The following TNIK variants were observed in gnomAD, a reference collection of about 807,000 sequenced individuals.
TNIK encodes the protein TRAF2 and NCK interacting kinase.
TNIK carries 49 observed loss-of-function variants against 191.3 expected under a neutral mutation model. That is an observed-to-expected ratio of 0.26 (90% CI 0.20 to 0.32). The LOEUF is 0.32. TNIK is among the 10% of genes least tolerant of loss of function. The probability of loss-of-function intolerance (pLI) is 1.00; values close to 1 mark genes in which losing one functional copy is unlikely to be tolerated. For synonymous variants in TNIK, 594 were observed against 600.9 expected (o/e 0.99, Z 0.17); for missense variants, 1,155 against 1,702.3 (o/e 0.68, Z 5.66).
intron 2 of TNIK, among the ~76,000 whole-genome samples, chr3:171,326,469 A>C (rs967079190): frequency 6.7e-6 from 1 of 150,210 alleles, no homozygotes; most frequent in Non-Finnish European, 1.5e-5. Context: ...AAAGAAAAAA[A>C]CTCCCACTGA....
intron 4 of TNIK, among the ~76,000 whole-genome samples, chr3:171,200,179 T>C (rs1366428189): frequency 6.6e-6 from 1 of 152,152 alleles, no homozygotes; most frequent in Non-Finnish European, 1.5e-5. Context: ...AATCTAACAT[T>C]TGAAATTTTC....
chr3:171,292,775 C>CAAAAAAAA (rs59314303), intron 2 of TNIK, among the ~76,000 whole-genome samples: 38 of 85,038 alleles, frequency 4.5e-4, no homozygotes, highest in Admixed American at 1.6e-3. Flanking sequence ...GACTCCATCT[C>CAAAAAAAA]AAAAAAAAAA....
intron 2 of TNIK, among the ~76,000 whole-genome samples, chr3:171,320,585 T>A (rs556343627): frequency 3.3e-5 from 5 of 152,120 alleles, no homozygotes; most frequent in Non-Finnish European, 7.4e-5. Context: ...TTTCCCATCA[T>A]CAAGATGTCT....
Position 171,140,146 on chromosome 3 carries a change from A to C in TNIK, c.1332+253T>G, listed in dbSNP as rs1035264439. Among the ~76,000 whole-genome samples the C allele has an allele frequency of 4.1e-4, 62 of 152,254 alleles. 1 individual carries two copies. Among genetic ancestry groups the C allele is most frequent in the African/African-American group, 1.4e-3 (59 of 41,476 alleles). ...TGCTTCAGTGCTACCTTCAAATCAG[A>C]TACCGAGGGTTGGGAGAATCGGAAG... On this transcript the variant is annotated intron_variant, in intron 13 of 32. Transcript: ENST00000436636.
chr3:171,183,789 C>G (rs575355441), intron 7 of TNIK, among the ~76,000 whole-genome samples: 2 of 151,862 alleles, frequency 1.3e-5, no homozygotes, highest in African/African-American at 4.8e-5. Context: ...GGCGTGGTGG[C>G]GGGCGCCTGT....
At chr3:171,118,089 CAA>C (rs1477317456) in intron 18 of TNIK, among the ~76,000 whole-genome samples, 1 of 152,160 alleles carries the variant, frequency 6.6e-6, no homozygotes, top group Admixed American at 6.5e-5. Flanking sequence ...GCAACTTCAG[CAA>C]AGTCTCAGGA....
intron 28 of TNIK, among the ~76,000 whole-genome samples, chr3:171,076,309 T>C (rs1227490755): frequency 6.6e-6 from 1 of 152,136 alleles, no homozygotes; most frequent in Non-Finnish European, 1.5e-5. Context: ...TAGAGTCCCC[T>C]TTCTAGTTGG....
intron 2 of TNIK, among the ~76,000 whole-genome samples, chr3:171,311,996 C>T (rs1486522755): frequency 6.6e-6 from 1 of 150,742 alleles, no homozygotes; most frequent in Admixed American, 6.6e-5. Flanking sequence ...GGGGCGGGTG[C>T]GCCTGCCCAC....
intron 12 of TNIK, among the ~76,000 whole-genome samples, chr3:171,143,331 A>C (rs774404917): frequency 6.6e-5 from 10 of 152,188 alleles, no homozygotes; most frequent in Non-Finnish European, 1.2e-4. Context: ...TATAAAAAAA[A>C]CATATCAATG....
intron 1 of TNIK, among the ~76,000 whole-genome samples, chr3:171,391,370 G>T (rs1176479139): frequency 6.6e-6 from 1 of 152,182 alleles, no homozygotes; most frequent in Non-Finnish European, 1.5e-5. Context: ...TGTATATAAA[G>T]CTGTCTACTC....
chr3:171,280,018 A>G (rs1034207457), intron 2 of TNIK, among the ~76,000 whole-genome samples: 8 of 152,312 alleles, frequency 5.3e-5, no homozygotes, highest in South Asian at 2.1e-4. Flanking sequence ...CTACAGTTCT[A>G]TAAGTGTGAG....
chr3:171,107,659 G>A (rs1292923692), intron 20 of TNIK, among the ~76,000 whole-genome samples: 1 of 152,164 alleles, frequency 6.6e-6, no homozygotes, highest in Non-Finnish European at 1.5e-5. Flanking sequence ...ATGAAAAATA[G>A]CAGAAAAACT....
rs889113366 is a variant in TNIK, at chr3:171,085,238, T to C, written c.2887-9A>G. ...CTGCTCCCCATGCCATACTAATCAA[T>C]AAGCAAGAAGATTAAGAAGAGCAGA... On this transcript the variant is annotated splice_polypyrimidine_tract_variant and intron_variant, in intron 24 of 32. Coordinates refer to ENST00000436636, the MANE Select transcript of TNIK (RefSeq NM_015028.4). 5.0e-6 allele frequency: 8 copies of C among 1,599,530 alleles called. No individual in the cohort carries two copies. Among genetic ancestry groups the C allele is most frequent in the Non-Finnish European group, 6.0e-6 (7 of 1,172,618 alleles).
At position 171,128,756 on chromosome 3, in the gene TNIK, C is replaced by T; in HGVS notation, c.1731G>A (p.Gln577=). 1 of 1,613,476 alleles carries T rather than the reference C, an allele frequency of 6.2e-7. No homozygotes were observed. Among genetic ancestry groups the T allele is most frequent in the Non-Finnish European group, 8.5e-7 (1 of 1,179,794 alleles). The change falls in exon 16 of 33, where the codon CAG becomes CAA. Residue 577 remains glutamine, a synonymous_variant. Transcript: ENST00000436636. ...TGAGCATGGGGGGTGTTCGAGCAGGCTGAACTCCACTAATGCTGAAGGACT... is the reference window on the plus strand; with the variant it reads ...TGAGCATGGGGGGTGTTCGAGCAGGTTGAACTCCACTAATGCTGAAGGACT... ...RSESFSISGV[Q]PARTPPMLRP...
At chr3:171,176,035 T>G (rs1186321805) in intron 8 of TNIK, among the ~76,000 whole-genome samples, 1 of 152,220 alleles carries the variant, frequency 6.6e-6, no homozygotes, top group East Asian at 1.9e-4. Context: ...TATGTTCTTA[T>G]TTTAATAAAA....
intron 30 of TNIK, among the ~76,000 whole-genome samples, chr3:171,067,338 C>T (rs985970208): frequency 6.6e-6 from 1 of 151,820 alleles, no homozygotes; most frequent in African/African-American, 2.4e-5. Flanking sequence ...TAATTCATGG[C>T]TTGGTTAGAA....
At chr3:171,400,877 G>T (rs1720870882) in intron 1 of TNIK, among the ~76,000 whole-genome samples, 2 of 152,280 alleles carry the variant, frequency 1.3e-5, no homozygotes. Flanking sequence ...TGGTGCTGAT[G>T]ATCTCTACCA....
chr3:171,303,592 G>A (rs915040317), intron 2 of TNIK, among the ~76,000 whole-genome samples: 3 of 152,132 alleles, frequency 2.0e-5, no homozygotes, highest in African/African-American at 7.2e-5. Context: ...ATTACTAAAT[G>A]CTTGCCCTTC....
chr3:171,349,664 A>G (rs1712814620), intron 2 of TNIK, among the ~76,000 whole-genome samples: 1 of 152,220 alleles, frequency 6.6e-6, no homozygotes, highest in Non-Finnish European at 1.5e-5. Context: ...GGATGATGGA[A>G]AGTCAGAATA....
Sources: allele counts gnomAD v4.1 joint callset (sites outside exome capture counted in the v4.1 genomes callset), GRCh38; gene constraint gnomAD v4.1.1; transcripts MANE v1.5; gene names NCBI Gene and HGNC (gene_info 2026-07-23, HGNC 2026-07-21).